SETD7: variants seen among roughly 807,000 people sequenced by gnomAD.
SETD7 encodes the protein SET domain containing 7, histone lysine methyltransferase.
SETD7 carries 16 observed loss-of-function variants against 41.8 expected under a neutral mutation model. The observed-to-expected ratio is 0.38, with a 90% CI of 0.26 to 0.58. The LOEUF (loss-of-function observed/expected upper bound fraction) is 0.58, where lower values mean the gene tolerates loss of function less well. Ranked by LOEUF, SETD7 falls within the 20% of genes least tolerant of loss-of-function variation. The pLI, the probability that SETD7 is intolerant of heterozygous loss-of-function variation, is 0.64. For synonymous variants in SETD7, 163 were observed against 169.7 expected, an observed-to-expected ratio of 0.96 and a Z score of 0.31; for missense variants, 346 against 459.7, an observed-to-expected ratio of 0.75 and a Z score of 2.26.
chr4:139,538,557 G>A (rs893012716), intron 2 of SETD7, among the ~76,000 whole-genome samples: 1 of 152,068 alleles, frequency 6.6e-6, no homozygotes, highest in Non-Finnish European at 1.5e-5. Context: ...TCGAACTCCT[G>A]ACCTCAAGTG....
chr4:139,519,040 G>T (rs1579206001), intron 6 of SETD7, among the ~76,000 whole-genome samples: 1 of 152,152 alleles, frequency 6.6e-6, no homozygotes, highest in South Asian at 2.1e-4. Context: ...TTTACTAAGC[G>T]GTACCATGTG....
chr4:139,533,217 T>C lies in SETD7; in HGVS notation c.320A>G (p.Lys107Arg). ...EYDTDGRLIFKGQYKDNIRHG... is the reference protein window; with the variant it reads ...EYDTDGRLIFRGQYKDNIRHG... ...ACGAATGTTATCTTTATACTGCCCC[T>C]TGAAGATCAGTCTCCCATCTGTGTC... The change falls in exon 3 of 8, where the codon AAG (lysine) becomes AGG (arginine). Residue 107 changes from lysine (K) to arginine (R), a missense_variant. Physicochemically the swap from Lys to Arg is conservative, Grantham distance 26. Coordinates refer to ENST00000274031, the MANE Select transcript of SETD7 (RefSeq NM_030648.4). The C allele has an allele frequency of 6.2e-7, 1 of 1,614,202 alleles. No individual in the cohort carries two copies. The highest frequency in any genetic ancestry group is 8.5e-7 in the Non-Finnish European group (1 of 1,180,026).
At chr4:139,537,356 G>C (rs529555867) in intron 2 of SETD7, among the ~76,000 whole-genome samples, 2 of 152,170 alleles carry the variant, frequency 1.3e-5, no homozygotes, top group Non-Finnish European at 2.9e-5. Flanking sequence ...TTGAAAAGTG[G>C]GTACATAGAA....
chr4:139,520,522 G>T, intron 5 of SETD7, 128 bp from the exon 6 acceptor site: 1 of 521,418 alleles, frequency 1.9e-6, no homozygotes. Flanking sequence ...AAGAAGGGAG[G>T]GAGGAAGAAA....
At chr4:139,505,414 C>T (rs1370869424), downstream of SETD7, among the ~76,000 whole-genome samples, 1 of 152,042 alleles carries the variant, frequency 6.6e-6, no homozygotes, top group Admixed American at 6.6e-5. Flanking sequence ...CATGGTGAAA[C>T]CCCGTCTTTA....
At chr4:139,554,561 C>T (rs1579229978) in intron 1 of SETD7, among the ~76,000 whole-genome samples, 2 of 152,198 alleles carry the variant, frequency 1.3e-5, no homozygotes, top group Admixed American at 1.3e-4. Flanking sequence ...AGAAGGCTCC[C>T]TGTGGATCAA....
chr4:139,529,146 A>C lies in SETD7; in HGVS notation c.447T>G (p.Pro149=), dbSNP rs554956471. ...MTGEKIAYVY[P]DERTALYGKF... ...TCCCATAAAGTGCGGTCCTCTCATC[A>C]GGGTACACATAGGCTATCTTCTCTC... Residue 149 remains proline (P), a synonymous_variant, in exon 4 of 8, where the codon CCT becomes CCG. Coordinates refer to ENST00000274031, the MANE Select transcript of SETD7 (RefSeq NM_030648.4). The C allele has an allele frequency of 6.2e-7, 1 of 1,613,966 alleles. No homozygotes were observed. Among genetic ancestry groups the C allele is most frequent in the South Asian group, 1.1e-5 (1 of 91,084 alleles).
intron 3 of SETD7, among the ~76,000 whole-genome samples, chr4:139,531,418 A>G (rs1727479569): frequency 6.6e-6 from 1 of 152,082 alleles, no homozygotes; most frequent in South Asian, 2.1e-4. Flanking sequence ...CCTGACTTCA[A>G]GATGCACTGT....
chr4:139,504,071 T>C (rs1464818754), downstream of SETD7, among the ~76,000 whole-genome samples: 2 of 152,176 alleles, frequency 1.3e-5, no homozygotes, highest in Non-Finnish European at 2.9e-5. Flanking sequence ...TTGGTGGAGC[T>C]GCTGAATTAA....
At chr4:139,547,469 A>G (rs1342942952) in intron 1 of SETD7, among the ~76,000 whole-genome samples, 1 of 152,206 alleles carries the variant, frequency 6.6e-6, no homozygotes, top group African/African-American at 2.4e-5. Context: ...TTGAGATTCC[A>G]CTGTTTTATA....
chr4:139,500,384 G>T (rs931301339), intron 7 of SETD7, among the ~76,000 whole-genome samples: 2 of 152,094 alleles, frequency 1.3e-5, no homozygotes, highest in Admixed American at 1.3e-4. Context: ...TTTACACGTG[G>T]GAGGAAGATC....
chr4:139,532,612 G>GT (rs1311433605), intron 3 of SETD7: 2 of 153,802 alleles, frequency 1.3e-5, no homozygotes, highest in Non-Finnish European at 2.9e-5. Flanking sequence ...ATAGACTCCA[G>GT]AAATATCATA....
At chr4:139,511,921 A>G (rs764349139) in intron 7 of SETD7, 78 bp from the exon 8 acceptor site, 112 of 1,524,156 alleles carry the variant, frequency 7.3e-5, no homozygotes, top group Non-Finnish European at 9.1e-5. Flanking sequence ...GGGCTGATAC[A>G]GGAATCACCC....
At chr4:139,527,175 G>C (rs1183425347) in intron 4 of SETD7, among the ~76,000 whole-genome samples, 1 of 152,170 alleles carries the variant, frequency 6.6e-6, no homozygotes, top group African/African-American at 2.4e-5. Flanking sequence ...TGTTACTATA[G>C]GGAATACCAT....
At chr4:139,549,299 A>T (rs1728044839) in intron 1 of SETD7, among the ~76,000 whole-genome samples, 1 of 152,214 alleles carries the variant, frequency 6.6e-6, no homozygotes, top group East Asian at 1.9e-4. Context: ...AAATCTGAAC[A>T]CTAAGAAAAA....
intron 7 of SETD7, among the ~76,000 whole-genome samples, chr4:139,516,671 T>A (rs912758598): frequency 1.3e-5 from 2 of 151,956 alleles, no homozygotes; most frequent in African/African-American, 4.8e-5. Flanking sequence ...ATTTGATTTT[T>A]TAAAAAAAAA....
intron 2 of SETD7, 94 bp downstream of exon 2, chr4:139,546,826 G>C (rs975124207): frequency 3.5e-5 from 54 of 1,557,566 alleles, no homozygotes; most frequent in Admixed American, 1.2e-4. Context: ...ATAAATTGTA[G>C]AAAAACTTCC....
At chr4:139,513,273 A>T (rs1726930164) in intron 7 of SETD7, among the ~76,000 whole-genome samples, 1 of 151,754 alleles carries the variant, frequency 6.6e-6, no homozygotes, top group Non-Finnish European at 1.5e-5. Flanking sequence ...TGCAAAAATT[A>T]GCTGGGTGTG....
rs1728279592 is a variant in SETD7, at chr4:139,556,218, C to G, written c.-81G>C. ...GGTGCTCCCGGCGGCTGAGCGAGCT[C>G]TGGGGCTCGCGAGTTTGGAGGAGGA... On this transcript the variant is annotated 5_prime_UTR_variant, in exon 1 of 8. Transcript: ENST00000274031. 4 of 1,463,114 alleles carry G rather than the reference C, an allele frequency of 2.7e-6. No individual in the cohort carries two copies. The Admixed American group carries it at 8.4e-5, about 31-fold the overall frequency. 90.6% of individuals were successfully genotyped at this position (1,463,114 alleles called of 1,614,324 possible). A position where few individuals can be genotyped will look rare whatever the true frequency, so the allele number is the denominator to read the frequency against.
Sources: gnomAD v4.1 joint callset for allele counts (sites outside exome capture counted in the v4.1 genomes callset) on GRCh38, gnomAD v4.1.1 for gene constraint, MANE v1.5 for transcripts, NCBI Gene and HGNC (gene_info 2026-07-23, HGNC 2026-07-21) for gene names.